The following UPF2 variants were observed in gnomAD, a reference collection of about 807,000 sequenced individuals.
UPF2 encodes the protein regulator of nonsense transcripts 2.
Under a neutral mutation model 141.4 loss-of-function variants are expected in UPF2, and 17 were observed. The ratio of observed to expected loss-of-function variants is 0.12; its 90% CI spans 0.08 to 0.18. UPF2 has a LOEUF of 0.18. Among genes scored for constraint, UPF2 ranks in the 10% least tolerant of loss-of-function variants. The pLI is 1.00. For synonymous variants in UPF2, 540 were observed against 498.0 expected, an observed-to-expected ratio of 1.08 and a Z score of -1.12; for missense variants, 1,152 against 1,515.9, an observed-to-expected ratio of 0.76 and a Z score of 3.99.
At chr10:11,984,718 TAAAA>T (rs34157281) in intron 8 of UPF2, among the ~76,000 whole-genome samples, 2 of 130,526 alleles carry the variant, frequency 1.5e-5, no homozygotes. Flanking sequence ...CTTTGCTCTT[TAAAA>T]AAAAAAAAAA....
intron 9 of UPF2, among the ~76,000 whole-genome samples, chr10:11,977,872 A>C (rs542579183): frequency 6.6e-6 from 1 of 152,160 alleles, no homozygotes; most frequent in East Asian, 1.9e-4. Flanking sequence ...AGTGTTTCCA[A>C]CCTCTCTAAA....
At chr10:12,031,154 A>G (rs1834515404) in intron 2 of UPF2, among the ~76,000 whole-genome samples, 1 of 150,548 alleles carries the variant, frequency 6.6e-6, no homozygotes, top group Admixed American at 6.6e-5. Flanking sequence ...GGCCTGGGCG[A>G]AAGAGCAAGA....
In UPF2 at chr10:11,931,886, C is replaced by T. The variant is rs565797932; in HGVS notation, c.3547-104G>A. ...CAAGTACAGGCTGGGCACGGTGGCT[C>T]ACGCCTGTAATCCCAGCACTTTGGG... On this transcript the variant is annotated intron_variant, in intron 19 of 21. Coordinates refer to ENST00000357604, the MANE Select transcript of UPF2 (RefSeq NM_015542.4). This position sits in a 1 kb window ranked among gnomAD's most constrained non-coding sequence, Gnocchi z 5.9. 8 of 1,323,144 alleles carry T rather than the reference C, an allele frequency of 6.0e-6. No individual in the cohort carries two copies. The Admixed American group carries it at 7.6e-5, about 13-fold the overall frequency. The allele number at this position is 1,323,144 out of a possible 1,614,324, so 82.0% of individuals were successfully genotyped here. A position where few individuals can be genotyped will look rare whatever the true frequency, so the allele number is the denominator to read the frequency against.
intron 3 of UPF2, among the ~76,000 whole-genome samples, chr10:12,022,506 G>C (rs190051959): frequency 1.3e-5 from 2 of 152,026 alleles, no homozygotes; most frequent in East Asian, 1.9e-4. Flanking sequence ...AAAGACTCTA[G>C]AACATAGCAA....
At chr10:11,964,291 T>G (rs1339072745) in intron 10 of UPF2, among the ~76,000 whole-genome samples, 166 bp from the exon 11 acceptor site, 1 of 152,258 alleles carries the variant, frequency 6.6e-6, no homozygotes, top group African/African-American at 2.4e-5. Context: ...CATTAATTTT[T>G]ATTGAAAAAC....
At chr10:11,967,853 C>A (rs958393000) in intron 9 of UPF2, among the ~76,000 whole-genome samples, 1 of 152,144 alleles carries the variant, frequency 6.6e-6, no homozygotes, top group Non-Finnish European at 1.5e-5. Flanking sequence ...CCGTGCCCAG[C>A]CCACTCCAGA....
intron 15 of UPF2, among the ~76,000 whole-genome samples, chr10:11,950,375 T>C (rs1204690001): frequency 1.3e-5 from 2 of 152,208 alleles, no homozygotes; most frequent in African/African-American, 4.8e-5. Flanking sequence ...GGATTTAATA[T>C]TGATTTTTCT....
chr10:11,976,843 T>A (rs528370977), intron 9 of UPF2, among the ~76,000 whole-genome samples: 1 of 152,352 alleles, frequency 6.6e-6, no homozygotes, highest in South Asian at 2.1e-4. Flanking sequence ...TATGTACAGA[T>A]GCTATGTGAG....
chr10:12,029,630 C>T lies in UPF2; in HGVS notation c.366-106G>A, dbSNP rs981952804. 2.9e-5 allele frequency: 37 copies of T among 1,255,496 alleles called. No homozygotes were observed. In the East Asian group the frequency reaches 3.0e-4, roughly 10 times the overall value. 77.8% of individuals were successfully genotyped at this position (1,255,496 alleles called of 1,614,324 possible). ...AATGAAAAAAATTATCTAAGTATAA[C>T]AATCTACAAGATTCAAAAGGCCTTT... is the stretch of plus-strand genomic sequence containing the variant. On this transcript the variant is annotated intron_variant, in intron 2 of 21. Coordinates refer to ENST00000357604, the MANE Select transcript of UPF2 (RefSeq NM_015542.4).
intron 18 of UPF2, among the ~76,000 whole-genome samples, chr10:11,941,831 T>C (rs749863041): frequency 4.6e-5 from 7 of 152,224 alleles, no homozygotes; most frequent in South Asian, 2.1e-4. Flanking sequence ...TAGAAAAATA[T>C]AGTTACTTGA....
In UPF2 at chr10:12,016,797, C is replaced by T. The variant is rs533154510; in HGVS notation, c.1146-2613G>A. Among the ~76,000 whole-genome samples, 3 of 151,560 alleles carry T rather than the reference C, an allele frequency of 2.0e-5. No individual in the cohort carries two copies. Among genetic ancestry groups the T allele is most frequent in the African/African-American group, 4.8e-5 (2 of 41,250 alleles). ...CAGCACTTTGGGAGGCCGAGGCAGG[C>T]GGATCACCTGAGGTGAGGAGTTCAA... On this transcript the variant is annotated intron_variant, in intron 3 of 21. Transcript: ENST00000357604. This position sits in a 1 kb window ranked among gnomAD's most constrained non-coding sequence, Gnocchi z 4.1.
chr10:11,936,772 T>A lies in UPF2; in HGVS notation c.3379-60A>T. 2 of 1,462,822 alleles carry A rather than the reference T, an allele frequency of 1.4e-6. No individual in the cohort carries two copies. The highest frequency in any genetic ancestry group is 4.9e-5 in the East Asian group (2 of 40,878). The allele number at this position is 1,462,822 out of a possible 1,614,324, so 90.6% of individuals were successfully genotyped here. ...CAAGATATATACGGATATATGTCAA[T>A]ATAAATTGCAAACTCATTCAATGCT... On this transcript the variant is annotated intron_variant, in intron 18 of 21. Transcript: ENST00000357604. The surrounding 1 kb of genome is among the most constrained non-coding windows in gnomAD (Gnocchi z 6.6).
In UPF2 at chr10:11,956,758, GT is replaced by G. The variant is rs1170593371; in HGVS notation, c.2371-236del. Among the ~76,000 whole-genome samples, 2 of 152,174 alleles carry G rather than the reference GT, an allele frequency of 1.3e-5. No homozygotes were observed. The highest frequency in any genetic ancestry group is 4.8e-5 in the African/African-American group (2 of 41,514). On this transcript the variant is annotated intron_variant, in intron 12 of 21. Transcript: ENST00000357604. The surrounding 1 kb of genome is among the most constrained non-coding windows in gnomAD (Gnocchi z 4.2). ...CTCTCAAATTTTCTAGAGTTTTCAGGTCTTCAATCTAGGTGACTGTTCTCAG... is the reference window on the plus strand; with the variant it reads ...CTCTCAAATTTTCTAGAGTTTTCAGGCTTCAATCTAGGTGACTGTTCTCAG...
At chr10:12,011,380 C>G (rs978953108) in intron 4 of UPF2, among the ~76,000 whole-genome samples, 4 of 152,116 alleles carry the variant, frequency 2.6e-5, no homozygotes, top group African/African-American at 9.7e-5. Flanking sequence ...AGGCAGATCA[C>G]TTGAGCTCAA....
Position 12,029,412 on chromosome 10 carries a change from A to G in UPF2, c.478T>C (p.Phe160Leu). 6.2e-7 allele frequency: 1 copy of G among 1,614,238 alleles called. No individual in the cohort carries two copies. The highest frequency in any genetic ancestry group is 8.5e-7 in the Non-Finnish European group (1 of 1,180,048). Residue 160 changes from phenylalanine to leucine, a missense_variant, in exon 3 of 22, where the codon TTC (phenylalanine) becomes CTC (leucine). Around this residue, in one of 4 missense-constraint regions of UPF2, gnomAD observed 739 missense variants for 1,032.2 expected, o/e 0.72. Transcript: ENST00000357604. ...NAPDSRPEENFFSRLDSSLKK... is the reference protein window; with the variant it reads ...NAPDSRPEENLFSRLDSSLKK... ...AAACTTGAGTCGAGGCGGCTGAAGA[A>G]GTTTTCCTCTGGTCGGCTGTCCGGA...
chr10:12,029,599 A>G (rs1308711538), intron 2 of UPF2, 75 bp from the exon 3 acceptor site: 2 of 1,431,362 alleles, frequency 1.4e-6, no homozygotes, highest in Non-Finnish European at 9.3e-7. Context: ...CTAAGAGTAA[A>G]AAGCCAATGA....
rs969911804 is a variant in UPF2 at position 12,019,754 on chromosome 10, C to T, written c.1146-5570G>A. Among the ~76,000 whole-genome samples the T allele has an allele frequency of 2.0e-5, 3 of 152,022 alleles. No homozygotes were observed. The highest frequency in any genetic ancestry group is 4.8e-5 in the African/African-American group (2 of 41,408). Reference sequence around the variant, plus strand: ...TTGTTTTGTTTTTGAGATGGATTCTCGCTCTGCTGCCCAGGCTGGAGTGTA... The same window carrying T: ...TTGTTTTGTTTTTGAGATGGATTCTTGCTCTGCTGCCCAGGCTGGAGTGTA... On this transcript the variant is annotated intron_variant, in intron 3 of 21. Coordinates refer to ENST00000357604, the MANE Select transcript of UPF2 (RefSeq NM_015542.4). This position sits in a 1 kb window ranked among gnomAD's most constrained non-coding sequence, Gnocchi z 4.5.
intron 18 of UPF2, among the ~76,000 whole-genome samples, chr10:11,937,188 G>C (rs1292855677): frequency 6.6e-6 from 1 of 152,226 alleles, no homozygotes; most frequent in Admixed American, 6.5e-5. Context: ...ATGACCATTT[G>C]TATTAATTCC....
At chr10:11,967,508 A>C in intron 9 of UPF2, 54 bp from the exon 10 acceptor site, 1 of 1,011,022 alleles carries the variant, frequency 9.9e-7, no homozygotes, top group Non-Finnish European at 1.4e-6. Context: ...AATCTCTGTG[A>C]TAAAAACTAT....
Sources: allele counts gnomAD v4.1 joint callset (sites outside exome capture counted in the v4.1 genomes callset), GRCh38; gene constraint gnomAD v4.1.1; regional missense constraint gnomAD v4.1.1; non-coding constraint Gnocchi (gnomAD v3.1); transcripts MANE v1.5; gene names NCBI Gene and HGNC (gene_info 2026-07-23, HGNC 2026-07-21).